EPHA3: variants seen among roughly 807,000 people sequenced by gnomAD.
EPHA3 encodes ephrin type-A receptor 3.
EPHA3 carries 42 observed loss-of-function variants against 107.1 expected under a neutral mutation model. The ratio of observed to expected loss-of-function variants is 0.39; its 90% confidence interval spans 0.31 to 0.51. The LOEUF is 0.51. EPHA3 is among the 20% of genes least tolerant of loss of function. The pLI, the probability that EPHA3 is intolerant of heterozygous loss-of-function variation, is 0.78. For synonymous variants in EPHA3, 461 were observed against 424.8 expected, an observed-to-expected ratio of 1.09 and a Z score of -1.05; for missense variants, 1,183 against 1,211.2, an observed-to-expected ratio of 0.98 and a Z score of 0.35.
Position 89,419,164 on chromosome 3 carries a change from T to C in EPHA3, c.1889-41T>C, listed in dbSNP as rs554764002. On this transcript the variant is annotated intron_variant, in intron 10 of 16. Transcript: ENST00000336596. ...GCTCTCTACTGATGAATTTTTATTATAGAATTCCTTACATTTTGTTGCTGT... is the reference window on the plus strand; with the variant it reads ...GCTCTCTACTGATGAATTTTTATTACAGAATTCCTTACATTTTGTTGCTGT... 37 of 1,521,842 alleles carry C rather than the reference T, an allele frequency of 2.4e-5. 1 individual carries two copies. The highest frequency in any genetic ancestry group is 1.2e-4 in the South Asian group (9 of 76,628). 94.3% of individuals were successfully genotyped at this position (1,521,842 alleles called of 1,614,324 possible). A position where few individuals can be genotyped will look rare whatever the true frequency, so the allele number is the denominator to read the frequency against.
chr3:89,294,074 G>T (rs774863040), intron 3 of EPHA3, among the ~76,000 whole-genome samples: 10 of 152,134 alleles, frequency 6.6e-5, no homozygotes, highest in Non-Finnish European at 1.3e-4. Flanking sequence ...ACAGGTAGAG[G>T]GTAAGATTTG....
chr3:89,405,847 T>A (rs916138857), intron 7 of EPHA3, among the ~76,000 whole-genome samples: 1 of 152,060 alleles, frequency 6.6e-6, no homozygotes, highest in Non-Finnish European at 1.5e-5. Context: ...TATCTAGAGA[T>A]TAGGATGCTT....
chr3:89,375,560 T>C (rs1708386466), intron 5 of EPHA3, among the ~76,000 whole-genome samples: 1 of 151,618 alleles, frequency 6.6e-6, no homozygotes, highest in Non-Finnish European at 1.5e-5. Flanking sequence ...TATTTATACA[T>C]GAACTCTTCA....
At chr3:89,370,958 C>G (rs1467566453) in intron 5 of EPHA3, among the ~76,000 whole-genome samples, 1 of 151,338 alleles carries the variant, frequency 6.6e-6, no homozygotes, top group Non-Finnish European at 1.5e-5. Context: ...GACAAAACAT[C>G]TACATTTTGG....
At chr3:89,182,330 T>C (rs1705459112) in intron 2 of EPHA3, among the ~76,000 whole-genome samples, 1 of 151,970 alleles carries the variant, frequency 6.6e-6, no homozygotes, top group Non-Finnish European at 1.5e-5. Context: ...TGGTATAGTC[T>C]GTACAGTACA....
At chr3:89,266,345 A>G (rs1705537837) in intron 3 of EPHA3, among the ~76,000 whole-genome samples, 1 of 152,108 alleles carries the variant, frequency 6.6e-6, no homozygotes, top group African/African-American at 2.4e-5. Context: ...TACAGCCATC[A>G]TGTTCATTGG....
At chr3:89,396,331 A>G (rs1393702420) in intron 6 of EPHA3, among the ~76,000 whole-genome samples, 1 of 152,042 alleles carries the variant, frequency 6.6e-6, no homozygotes, top group Admixed American at 6.6e-5. Flanking sequence ...TCATTTCCTG[A>G]CCTTCAAATT....
At position 89,412,447 on chromosome 3, in the gene EPHA3, T is replaced by G. The variant is rs113891522; in HGVS notation, c.1763-694T>G. Among the ~76,000 whole-genome samples the G allele has an allele frequency of 5.9e-3, 889 of 151,668 alleles. 10 individuals are homozygous for G. Among genetic ancestry groups the G allele is most frequent in the African/African-American group, 0.02 (837 of 41,464 alleles). ...AGACAATATTTATTTTACTTCTAAT[T>G]ATGTTATAAAGCTATACAATATGAT... On this transcript the variant is annotated intron_variant, in intron 9 of 16. Transcript: ENST00000336596.
intron 5 of EPHA3, among the ~76,000 whole-genome samples, chr3:89,358,075 G>A (rs1022206981): frequency 1.3e-5 from 2 of 151,150 alleles, no homozygotes; most frequent in African/African-American, 4.8e-5. Flanking sequence ...AATTAGGAAT[G>A]TAAAGATCTA....
intron 2 of EPHA3, among the ~76,000 whole-genome samples, chr3:89,190,005 C>T (rs1445604117): frequency 6.6e-6 from 1 of 152,136 alleles, no homozygotes; most frequent in Non-Finnish European, 1.5e-5. Context: ...GTACCTCGTT[C>T]AGAAATTTAA....
rs143525106 is a variant in EPHA3, at chr3:89,470,781, T to A, written c.2691-1683T>A. On this transcript the variant is annotated intron_variant, in intron 15 of 16. Transcript: ENST00000336596. ...GGACTGTGGTATAGAATAATGTGGG[T>A]CTAAAGGCCAGCTCTGCCTCTTTTG... is the stretch of plus-strand genomic sequence containing the variant. Among the ~76,000 whole-genome samples, 70 of 152,324 alleles carry A rather than the reference T, an allele frequency of 4.6e-4. No individual in the cohort carries two copies. The East Asian group carries it at 0.013, about 28-fold the overall frequency.
At chr3:89,461,222 A>G (rs1310724524) in intron 15 of EPHA3, among the ~76,000 whole-genome samples, 5 of 107,036 alleles carry the variant, frequency 4.7e-5, no homozygotes, top group African/African-American at 2.2e-4. Flanking sequence ...AATCCAGTCT[A>G]TCATTGTTGG....
chr3:89,170,237 C>CAG (rs1705180900), intron 2 of EPHA3, among the ~76,000 whole-genome samples: 1 of 140,910 alleles, frequency 7.1e-6, no homozygotes, highest in African/African-American at 2.7e-5. Context: ...GCCTGGGCGA[C>CAG]AGAGAGAGAC....
intron 2 of EPHA3, among the ~76,000 whole-genome samples, chr3:89,197,374 G>A (rs578165908): frequency 2.7e-5 from 4 of 150,830 alleles, no homozygotes; most frequent in Non-Finnish European, 4.4e-5. Flanking sequence ...TGATATACCT[G>A]AGGCTTAACA....
At chr3:89,420,368 C>T (rs1453585021) in intron 11 of EPHA3, among the ~76,000 whole-genome samples, 1 of 151,402 alleles carries the variant, frequency 6.6e-6, no homozygotes, top group African/African-American at 2.4e-5. Flanking sequence ...AAAGGCATTT[C>T]CTTCCTCATG....
At chr3:89,350,284 AG>A (rs1270386249) in intron 5 of EPHA3, among the ~76,000 whole-genome samples, 1 of 149,662 alleles carries the variant, frequency 6.7e-6, no homozygotes, top group African/African-American at 2.4e-5. Context: ...CTTTTCACAT[AG>A]TCCCATATTT....
chr3:89,234,532 C>T (rs1704707170), intron 3 of EPHA3, among the ~76,000 whole-genome samples: 2 of 152,152 alleles, frequency 1.3e-5, no homozygotes, highest in Non-Finnish European at 2.9e-5. Flanking sequence ...ATGGACCAAT[C>T]AAATGTGCTG....
chr3:89,452,499 GA>G (rs1262816141), intron 15 of EPHA3, among the ~76,000 whole-genome samples: 1 of 151,986 alleles, frequency 6.6e-6, no homozygotes, highest in East Asian at 1.9e-4. Flanking sequence ...GTCTTCCTCA[GA>G]AAAAAATGTC....
chr3:89,260,114 T>C (rs1333140889), intron 3 of EPHA3, among the ~76,000 whole-genome samples: 2 of 152,242 alleles, frequency 1.3e-5, no homozygotes, highest in African/African-American at 4.8e-5. Flanking sequence ...TTATCTTGGC[T>C]ATTGTGAGTA....
Sources: allele counts gnomAD v4.1 joint callset (sites outside exome capture counted in the v4.1 genomes callset), GRCh38; gene constraint gnomAD v4.1.1; transcripts MANE v1.5; gene names NCBI Gene and HGNC (gene_info 2026-07-23, HGNC 2026-07-21).